HYCC1: variants seen among roughly 807,000 people sequenced by gnomAD.
The protein encoded by HYCC1 is hyccin PI4KA lipid kinase complex subunit 1.
At chr7:22,968,643 G>A in the HYCC1 span, among the ~76,000 whole-genome samples, 1 of 152,158 alleles carries the variant, frequency 6.6e-6, no homozygotes, top group Admixed American at 6.5e-5. Context: ...TTTGCTGGAT[G>A]TTTTTAATAC....
At chr7:22,930,197 TG>T in the HYCC1 span, among the ~76,000 whole-genome samples, 2 of 23,100 alleles carry the variant, frequency 8.7e-5, no homozygotes, top group African/African-American at 1.8e-4. Flanking sequence ...TGTTGTGGGG[TG>T]GGGGGAGGGG....
the HYCC1 span, among the ~76,000 whole-genome samples, chr7:22,988,715 T>C: frequency 2.0e-5 from 3 of 152,232 alleles, no homozygotes; most frequent in African/African-American, 7.2e-5. Flanking sequence ...TTCTTGGCTT[T>C]CGCTGTTCCA....
At chr7:22,918,356 T>C in the HYCC1 span, among the ~76,000 whole-genome samples, 1 of 152,132 alleles carries the variant, frequency 6.6e-6, no homozygotes, top group South Asian at 2.1e-4. Context: ...AACCCCACAA[T>C]ATCATCCCTT....
the HYCC1 span, among the ~76,000 whole-genome samples, chr7:23,000,759 G>A: frequency 6.6e-6 from 1 of 152,006 alleles, no homozygotes; most frequent in Non-Finnish European, 1.5e-5. Context: ...CCTAGGGCCT[G>A]TCCTCTTGAA....
the HYCC1 span, chr7:22,935,085 CCTT>C: frequency 2.6e-5 from 4 of 152,184 alleles, no homozygotes; most frequent in Admixed American, 2.6e-4. Flanking sequence ...TTTCTGCACA[CCTT>C]CTCTCTGGCG....
chr7:22,904,096 T>G, the HYCC1 span, among the ~76,000 whole-genome samples: 3 of 152,096 alleles, frequency 2.0e-5, no homozygotes, highest in Admixed American at 1.3e-4. Context: ...ATGTAGAAAT[T>G]ATCAAATCCT....
At chr7:22,961,724 T>C in the HYCC1 span, among the ~76,000 whole-genome samples, 1 of 152,164 alleles carries the variant, frequency 6.6e-6, no homozygotes, top group South Asian at 2.1e-4. Context: ...CTACTACCAG[T>C]GTGGCTTGCA....
At chr7:23,004,329 C>T in the HYCC1 span, among the ~76,000 whole-genome samples, 2 of 152,304 alleles carry the variant, frequency 1.3e-5, no homozygotes, top group South Asian at 4.1e-4. Flanking sequence ...CAAACATCTG[C>T]TTAGACCCTT....
chr7:22,946,939 T>C, the HYCC1 span: 1 of 1,537,300 alleles, frequency 6.5e-7, no homozygotes, highest in Non-Finnish European at 8.8e-7. Flanking sequence ...AGTGGCCCTT[T>C]GCCTTAAGAT....
At chr7:22,923,599 CAAAA>C in the HYCC1 span, among the ~76,000 whole-genome samples, 2 of 151,680 alleles carry the variant, frequency 1.3e-5, no homozygotes, top group Middle Eastern at 6.8e-3. Flanking sequence ...AGAAAATAAA[CAAAA>C]AAGAAGTTTA....
At chr7:22,945,430 C>G in the HYCC1 span, 3 of 643,408 alleles carry the variant, frequency 4.7e-6, no homozygotes, top group South Asian at 5.5e-5. Context: ...CTTACTGCAA[C>G]CTAGACAATC....
At chr7:23,000,793 C>T in the HYCC1 span, among the ~76,000 whole-genome samples, 6 of 152,000 alleles carry the variant, frequency 3.9e-5, no homozygotes, top group South Asian at 2.1e-4. Flanking sequence ...AAGGCAACCA[C>T]CATGCTACAA....
At chr7:23,004,470 C>T in the HYCC1 span, among the ~76,000 whole-genome samples, 1 of 152,162 alleles carries the variant, frequency 6.6e-6, no homozygotes. Context: ...TTGTGACTAG[C>T]TCAATATGAT....
the HYCC1 span, chr7:22,964,274 A>G: frequency 2.1e-4 from 133 of 641,752 alleles, 2 homozygotes; most frequent in South Asian, 2.5e-3. Context: ...AAGTATTAAA[A>G]CTATTATCAA....
At chr7:22,948,679 C>T in the HYCC1 span, among the ~76,000 whole-genome samples, 2 of 152,114 alleles carry the variant, frequency 1.3e-5, no homozygotes, top group South Asian at 4.1e-4. Flanking sequence ...CTTCATGGTG[C>T]CTCGCACTGC....
chr7:22,991,968 T>C, the HYCC1 span, among the ~76,000 whole-genome samples: 1 of 152,106 alleles, frequency 6.6e-6, no homozygotes, highest in South Asian at 2.1e-4. Flanking sequence ...CTGATTCTAT[T>C]ACTTACTTGG....
the HYCC1 span, among the ~76,000 whole-genome samples, chr7:22,973,634 T>C: frequency 6.6e-6 from 1 of 152,186 alleles, no homozygotes; most frequent in Admixed American, 6.5e-5. Context: ...TTAATTTCTC[T>C]TGTGGCATAA....
At chr7:22,953,490 T>A in the HYCC1 span, among the ~76,000 whole-genome samples, 3 of 151,876 alleles carry the variant, frequency 2.0e-5, no homozygotes, top group East Asian at 5.8e-4. Flanking sequence ...GGCTGGAAAA[T>A]TTTTTAACTT....
chr7:22,896,706 C>T, the HYCC1 span, among the ~76,000 whole-genome samples: 4 of 152,204 alleles, frequency 2.6e-5, no homozygotes, highest in African/African-American at 7.2e-5. Context: ...CCATACTAAA[C>T]TTCTCTTCCA....
Sources: gnomAD v4.1 joint callset for allele counts (sites outside exome capture counted in the v4.1 genomes callset) on GRCh38, gnomAD v4.1.1 for gene constraint, MANE v1.5 for transcripts, NCBI Gene and HGNC (gene_info 2026-07-23, HGNC 2026-07-21) for gene names.